BMERB1: variants seen among roughly 807,000 people sequenced by gnomAD.
BMERB1 encodes the protein bMERB domain-containing protein 1.
Under a neutral mutation model 23.6 loss-of-function variants are expected in BMERB1, and 12 were observed. The ratio of observed to expected loss-of-function variants is 0.51; its 90% CI spans 0.33 to 0.82. The LOEUF (loss-of-function observed/expected upper bound fraction) is 0.82, where lower values mean the gene tolerates loss of function less well. Ranked by LOEUF, BMERB1 falls within the 40% of genes least tolerant of loss-of-function variation. The pLI is 0.03. For synonymous variants in BMERB1, 122 were observed against 96.6 expected (o/e 1.26, Z -1.54); for missense variants, 247 against 255.4 (o/e 0.97, Z 0.22).
intron 1 of BMERB1, among the ~76,000 whole-genome samples, chr16:15,504,049 C>T (rs1378239929): frequency 6.6e-6 from 1 of 152,210 alleles, no homozygotes; most frequent in Non-Finnish European, 1.5e-5. Flanking sequence ...ATGCTTGTCA[C>T]TTACATGAAT....
intron 1 of BMERB1, among the ~76,000 whole-genome samples, chr16:15,450,232 GA>G (rs150415118): frequency 0.022 from 3,414 of 152,118 alleles, 60 homozygotes; most frequent in East Asian, 0.065. Flanking sequence ...GGTGAGCACT[GA>G]AATTTGAATT....
intron 2 of BMERB1, among the ~76,000 whole-genome samples, chr16:15,544,423 G>A (rs1264561712): frequency 6.6e-6 from 1 of 152,230 alleles, no homozygotes; most frequent in African/African-American, 2.4e-5. Context: ...AGCACGTTCA[G>A]TATGCAAAGC....
chr16:15,570,667 G>A (rs567864298), intron 3 of BMERB1, among the ~76,000 whole-genome samples: 4 of 152,276 alleles, frequency 2.6e-5, no homozygotes, highest in African/African-American at 9.6e-5. Flanking sequence ...TATTAAGAAA[G>A]CAAAGGAATA....
At chr16:15,484,142 T>C (rs2051348155) in intron 1 of BMERB1, among the ~76,000 whole-genome samples, 1 of 152,210 alleles carries the variant, frequency 6.6e-6, no homozygotes, top group Non-Finnish European at 1.5e-5. Context: ...AAACATGGCA[T>C]GAAGCCATTC....
At chr16:15,529,088 G>A (rs1250460929) in intron 2 of BMERB1, among the ~76,000 whole-genome samples, 8 of 152,078 alleles carry the variant, frequency 5.3e-5, no homozygotes, top group Non-Finnish European at 8.8e-5. Context: ...GCAGTGGTGC[G>A]ATCTTGGCTC....
At chr16:15,574,008 C>T (rs911807630) in intron 3 of BMERB1, among the ~76,000 whole-genome samples, 12 of 145,878 alleles carry the variant, frequency 8.2e-5, no homozygotes, top group African/African-American at 3.1e-4. Context: ...TTGTTAAGTC[C>T]ATTTTCACAC....
At chr16:15,533,566 C>G (rs2051991162) in intron 2 of BMERB1, among the ~76,000 whole-genome samples, 1 of 151,988 alleles carries the variant, frequency 6.6e-6, no homozygotes, top group African/African-American at 2.4e-5. Context: ...GGGGCTTGAG[C>G]CTCTCCTCAC....
chr16:15,548,801 T>C (rs370988956), intron 2 of BMERB1, among the ~76,000 whole-genome samples: 36 of 152,334 alleles, frequency 2.4e-4, no homozygotes, highest in African/African-American at 8.4e-4. Flanking sequence ...CAAAAGCTTA[T>C]CTGCTTCTGC....
chr16:15,470,124 A>G (rs910454629), intron 1 of BMERB1, among the ~76,000 whole-genome samples: 1 of 152,106 alleles, frequency 6.6e-6, no homozygotes, highest in Non-Finnish European at 1.5e-5. Flanking sequence ...TTGTGTAGAT[A>G]CACTTTATTA....
intron 2 of BMERB1, among the ~76,000 whole-genome samples, chr16:15,567,164 C>A (rs1364052196): frequency 5.3e-5 from 8 of 151,956 alleles, no homozygotes; most frequent in African/African-American, 1.9e-4. Context: ...GCACTCCATC[C>A]TGGGCAACAG....
At chr16:15,495,877 G>A (rs2051467346) in intron 1 of BMERB1, among the ~76,000 whole-genome samples, 1 of 152,184 alleles carries the variant, frequency 6.6e-6, no homozygotes, top group South Asian at 2.1e-4. Flanking sequence ...ATGGGCTAAT[G>A]TCCTCTGTGC....
intron 1 of BMERB1, chr16:15,502,456 G>C (rs2150943774): frequency 8.6e-7 from 1 of 1,165,206 alleles, no homozygotes; most frequent in Admixed American, 2.0e-5. Flanking sequence ...GAGCTTCTGG[G>C]TTAAAAGCAG....
intron 2 of BMERB1, among the ~76,000 whole-genome samples, chr16:15,526,137 T>C (rs1000563697): frequency 1.1e-4 from 16 of 152,210 alleles, no homozygotes; most frequent in African/African-American, 2.7e-4. Context: ...AAAGCATACA[T>C]TTGTATAGGA....
At chr16:15,494,374 G>A (rs1302734221) in intron 1 of BMERB1, among the ~76,000 whole-genome samples, 1 of 152,036 alleles carries the variant, frequency 6.6e-6, no homozygotes. Flanking sequence ...AAATATGACA[G>A]CATGGTTTGG....
In BMERB1 at chr16:15,586,897, C is replaced by T. The variant is rs1231923074; in HGVS notation, c.*68C>T. On this transcript the variant is annotated 3_prime_UTR_variant, in exon 6 of 6. Transcript: ENST00000300006. ...CCTCTTGTCTTTATAGCCCCCATTT[C>T]ACCGGGGCCCAAGAGCTCTCCAAGG... 1.9e-6 allele frequency: 2 copies of T among 1,038,610 alleles called. No homozygotes were observed. Among genetic ancestry groups the T allele is most frequent in the Non-Finnish European group, 2.8e-6 (2 of 713,482 alleles). The allele number at this position is 1,038,610 out of a possible 1,614,324, so 64.3% of individuals were successfully genotyped here. A position where few individuals can be genotyped will look rare whatever the true frequency, so the allele number is the denominator to read the frequency against.
At chr16:15,456,493 C>T (rs1326837212) in intron 1 of BMERB1, among the ~76,000 whole-genome samples, 2 of 152,104 alleles carry the variant, frequency 1.3e-5, no homozygotes, top group African/African-American at 4.8e-5. Context: ...CATGCCACCA[C>T]ACCCAGCTAC....
chr16:15,582,454 C>T (rs1454367805), intron 4 of BMERB1, among the ~76,000 whole-genome samples: 3 of 152,072 alleles, frequency 2.0e-5, no homozygotes, highest in Non-Finnish European at 2.9e-5. Flanking sequence ...TTATATTCTC[C>T]TTACCTCCGG....
intron 1 of BMERB1, among the ~76,000 whole-genome samples, chr16:15,438,971 T>C (rs1289288150): frequency 6.6e-6 from 1 of 151,958 alleles, no homozygotes; most frequent in East Asian, 1.9e-4. Context: ...AAAAGAAGAG[T>C]CCCCTTAAAA....
In BMERB1 at chr16:15,579,200, A is replaced by G. The variant is rs2030946653; in HGVS notation, c.305-2017A>G. Among the ~76,000 whole-genome samples the G allele has an allele frequency of 2.0e-5, 3 of 152,104 alleles. No homozygotes were observed. In the South Asian group the frequency reaches 6.2e-4, roughly 32 times the overall value. Reference sequence around the variant, plus strand: ...GAGTGCTGTCAATGGTTATTTGGAGAGTAAAGTCACACCACGAGCTCCTGA... The same window carrying G: ...GAGTGCTGTCAATGGTTATTTGGAGGGTAAAGTCACACCACGAGCTCCTGA... On this transcript the variant is annotated intron_variant, in intron 3 of 5. Coordinates refer to ENST00000300006, the MANE Select transcript of BMERB1 (RefSeq NM_033201.3).
Sources: allele counts gnomAD v4.1 joint callset (sites outside exome capture counted in the v4.1 genomes callset), GRCh38; gene constraint gnomAD v4.1.1; transcripts MANE v1.5; gene names NCBI Gene and HGNC (gene_info 2026-07-23, HGNC 2026-07-21).